Variants in CHST12 observed in about 807,000 individuals in gnomAD.
The protein encoded by CHST12 is carbohydrate (chondroitin 4) sulfotransferase 12.
Under a neutral mutation model 27.9 loss-of-function variants are expected in CHST12, and 23 were observed. The observed-to-expected ratio is 0.82, with a 90% CI of 0.59 to 1.17. CHST12 has a LOEUF of 1.17. Among genes scored for constraint, CHST12 ranks in the 50% most tolerant of loss-of-function variants. CHST12 has a pLI of 0.00. For synonymous variants in CHST12, 322 were observed against 273.0 expected (o/e 1.18, Z -1.77); for missense variants, 682 against 603.0 (o/e 1.13, Z -1.37).
intron 1 of CHST12, among the ~76,000 whole-genome samples, chr7:2,403,877 CCTCT>C (rs969902030): frequency 1.3e-5 from 2 of 152,060 alleles, no homozygotes; most frequent in Non-Finnish European, 2.9e-5. Context: ...CTGCGCGCGC[CCTCT>C]CTGAGCCCCG....
rs995741635 is a variant in CHST12, at chr7:2,437,002, TTGATTCTTCGCTGTTTGCC to T, written c.*3123_*3141del. The T allele has an allele frequency of 3.9e-5, 6 of 152,286 alleles. No individual in the cohort carries two copies. The highest frequency in any genetic ancestry group is 1.4e-4 in the African/African-American group (6 of 41,466). The allele number at this position is 152,286 out of a possible 1,614,324, so 9.4% of individuals were successfully genotyped here. A position where few individuals can be genotyped will look rare whatever the true frequency, so the allele number is the denominator to read the frequency against. On this transcript the variant is annotated 3_prime_UTR_variant, in exon 2 of 2. Coordinates refer to ENST00000618655, the MANE Select transcript of CHST12 (RefSeq NM_018641.5). ...GAGGTGTGAGCGGGGAGAACCCACT[TTGATTCTTCGCTGTTTGCC>T]TGATGCGCAGCACCACACTGCGTAG...
intron 1 of CHST12, among the ~76,000 whole-genome samples, chr7:2,421,841 C>G (rs1357667313): frequency 6.6e-6 from 1 of 152,166 alleles, no homozygotes; most frequent in East Asian, 1.9e-4. Flanking sequence ...GCTGGGATTA[C>G]AGGCATGAGC....
intron 1 of CHST12, among the ~76,000 whole-genome samples, chr7:2,404,534 A>G (rs1029373319): frequency 2.0e-5 from 3 of 152,236 alleles, no homozygotes; most frequent in African/African-American, 7.2e-5. Context: ...ACCAGGCCCT[A>G]CGGTGCTGTT....
At chr7:2,403,883 T>G (rs1297814649) in intron 1 of CHST12, among the ~76,000 whole-genome samples, 6 of 152,056 alleles carry the variant, frequency 3.9e-5, no homozygotes, top group Non-Finnish European at 8.8e-5. Flanking sequence ...GCGCCCTCTC[T>G]GAGCCCCGCT....
At position 2,443,416 on chromosome 7, in the gene CHST12, C is replaced by G. The variant is rs1360867292; in HGVS notation, c.*9532C>G. 1 of 152,112 alleles carries G rather than the reference C, an allele frequency of 6.6e-6. No homozygotes were observed. Among genetic ancestry groups the G allele is most frequent in the African/African-American group, 2.4e-5 (1 of 41,406 alleles). 9.4% of individuals were successfully genotyped at this position (152,112 alleles called of 1,614,324 possible). ...TGCTCAGCCTGAAGTGAAACAGTTTCATCCCAAAAGCATATACCTCTGCCC... is the reference window on the plus strand; with the variant it reads ...TGCTCAGCCTGAAGTGAAACAGTTTGATCCCAAAAGCATATACCTCTGCCC... On this transcript the variant is annotated 3_prime_UTR_variant, in exon 2 of 2. Coordinates refer to ENST00000618655, the MANE Select transcript of CHST12 (RefSeq NM_018641.5).
chr7:2,420,036 C>T (rs1313504229), intron 1 of CHST12, among the ~76,000 whole-genome samples: 5 of 139,774 alleles, frequency 3.6e-5, no homozygotes, highest in East Asian at 2.2e-4. Flanking sequence ...TGCAGTGGCA[C>T]GATCTCACCT....
intron 1 of CHST12, among the ~76,000 whole-genome samples, chr7:2,413,254 C>T (rs1295399694): frequency 1.3e-5 from 2 of 152,208 alleles, no homozygotes; most frequent in Non-Finnish European, 2.9e-5. Context: ...CGGAACTCTG[C>T]ACTGGTGTTT....
At chr7:2,423,004 A>G (rs1411792266) in intron 1 of CHST12, among the ~76,000 whole-genome samples, 1 of 151,788 alleles carries the variant, frequency 6.6e-6, no homozygotes, top group Admixed American at 6.6e-5. Flanking sequence ...AATAGGCTGC[A>G]GTGGCTCACG....
At position 2,433,087 on chromosome 7, in the gene CHST12, C is replaced by G; in HGVS notation, c.448C>G (p.Pro150Ala). ...PTKERAFDDI[P>A]NSELSHLIVD... ...CAAGGAGCGCGCATTCGACGACATC[C>G]CCAACTCGGAGCTGAGCCACCTGAT... The change falls in exon 2 of 2, where the codon CCC becomes GCC. Residue 150 changes from proline to alanine, a missense_variant. By Grantham distance (27) the Pro-to-Ala change is conservative. Coordinates refer to ENST00000618655, the MANE Select transcript of CHST12 (RefSeq NM_018641.5). This position sits in a 1 kb window ranked among gnomAD's most constrained non-coding sequence, Gnocchi z 6.1. 3.1e-6 allele frequency: 5 copies of G among 1,612,616 alleles called. No homozygotes were observed. The highest frequency in any genetic ancestry group is 1.7e-5 in the Admixed American group (1 of 60,004).
intron 1 of CHST12, among the ~76,000 whole-genome samples, chr7:2,425,697 T>C (rs1782100154): frequency 6.6e-6 from 1 of 152,012 alleles, no homozygotes; most frequent in South Asian, 2.1e-4. Flanking sequence ...TTTGCTTTTT[T>C]TTTTTTTTGT....
rs1345712117 is a variant in CHST12, at chr7:2,438,296, C to T, written c.*4412C>T. 6.6e-6 allele frequency: 1 copy of T among 152,224 alleles called. No homozygotes were observed. Among genetic ancestry groups the T allele is most frequent in the African/African-American group, 2.4e-5 (1 of 41,442 alleles). 9.4% of individuals were successfully genotyped at this position (152,224 alleles called of 1,614,324 possible). On this transcript the variant is annotated 3_prime_UTR_variant, in exon 2 of 2. Transcript: ENST00000618655. ...CACACCAACGTCCCCAGAGTCTTCT[C>T]CCTAGAGTCTCTGAAAGGAAGCCTG...
intron 1 of CHST12, among the ~76,000 whole-genome samples, chr7:2,417,470 A>G (rs1163541340): frequency 6.7e-6 from 1 of 149,146 alleles, no homozygotes; most frequent in Non-Finnish European, 1.5e-5. Flanking sequence ...GCTCACTGCA[A>G]CCTCCGCCTC....
intron 1 of CHST12, among the ~76,000 whole-genome samples, chr7:2,409,293 G>A (rs1325981203): frequency 1.3e-5 from 2 of 152,146 alleles, no homozygotes; most frequent in Non-Finnish European, 2.9e-5. Context: ...CACTCTGAAG[G>A]CAGACATTAA....
At position 2,442,736 on chromosome 7, in the gene CHST12, C is replaced by T. The variant is rs1464198416; in HGVS notation, c.*8852C>T. ...GATGGACCAATACTGGCCTGCGGCC[C>T]CTTAGGAACTGGACTGCACAGCAGG... On this transcript the variant is annotated 3_prime_UTR_variant, in exon 2 of 2. Coordinates refer to ENST00000618655, the MANE Select transcript of CHST12 (RefSeq NM_018641.5). The T allele has an allele frequency of 6.6e-6, 1 of 152,286 alleles. No individual in the cohort carries two copies. The highest frequency in any genetic ancestry group is 1.5e-5 in the Non-Finnish European group (1 of 68,128). 9.4% of individuals were successfully genotyped at this position (152,286 alleles called of 1,614,324 possible).
intron 1 of CHST12, among the ~76,000 whole-genome samples, chr7:2,409,613 T>G (rs1471709014): frequency 1.8e-5 from 2 of 111,116 alleles, no homozygotes; most frequent in African/African-American, 7.8e-5. Flanking sequence ...CAGAGCAAGA[T>G]CCTGTCTCAA....
At chr7:2,419,624 T>G (rs1283518129) in intron 1 of CHST12, among the ~76,000 whole-genome samples, 1 of 151,110 alleles carries the variant, frequency 6.6e-6, no homozygotes. Flanking sequence ...GGAGAATCGC[T>G]TGAACCCGGG....
intron 1 of CHST12, among the ~76,000 whole-genome samples, chr7:2,428,977 C>T (rs1782204251): frequency 6.6e-6 from 1 of 152,190 alleles, no homozygotes; most frequent in South Asian, 2.1e-4. Context: ...CAGGCGCCCC[C>T]CATGCGTCCG....
chr7:2,439,879 CAAA>C lies in CHST12; in HGVS notation c.*6002_*6004del, dbSNP rs961341494. The C allele has an allele frequency of 7.3e-5, 11 of 151,040 alleles. No homozygotes were observed. Among genetic ancestry groups the C allele is most frequent in the African/African-American group, 2.4e-4 (10 of 41,162 alleles). The allele number at this position is 151,040 out of a possible 1,614,324, so 9.4% of individuals were successfully genotyped here. On this transcript the variant is annotated 3_prime_UTR_variant, in exon 2 of 2. Coordinates refer to ENST00000618655, the MANE Select transcript of CHST12 (RefSeq NM_018641.5). Reference sequence around the variant, plus strand: ...TGGGCGACAGAGCGAGACTCCGTCTCAAAAAAAAATTTTTTTTTTTGGTAGATA... The same window carrying C: ...TGGGCGACAGAGCGAGACTCCGTCTCAAAAAATTTTTTTTTTTGGTAGATA...
chr7:2,417,381 G>A (rs1781838339), intron 1 of CHST12, among the ~76,000 whole-genome samples: 1 of 146,400 alleles, frequency 6.8e-6, no homozygotes, highest in Non-Finnish European at 1.5e-5. Context: ...GCGCCACCAT[G>A]TCTGACTTTT....
Sources: gnomAD v4.1 joint callset for allele counts (sites outside exome capture counted in the v4.1 genomes callset) on GRCh38, gnomAD v4.1.1 for gene constraint, Gnocchi (gnomAD v3.1) non-coding constraint, MANE v1.5 for transcripts, NCBI Gene and HGNC (gene_info 2026-07-23, HGNC 2026-07-21) for gene names.